ZNF704: variants seen among roughly 807,000 people sequenced by gnomAD.
The protein encoded by ZNF704 is zinc finger protein 704.
ZNF704 carries 10 observed loss-of-function variants against 44.7 expected under a neutral mutation model. The observed-to-expected ratio is 0.22, with a 90% CI of 0.14 to 0.38. The LOEUF is 0.38. Ranked by LOEUF, ZNF704 falls within the 10% of genes least tolerant of loss-of-function variation. The probability of loss-of-function intolerance (pLI) is 1.00; values close to 1 mark genes in which losing one functional copy is unlikely to be tolerated. For synonymous variants in ZNF704, 211 were observed against 207.6 expected (o/e 1.02, Z -0.14); for missense variants, 390 against 545.5 (o/e 0.71, Z 2.84).
chr8:80,860,663 C>T (rs1007870949), intron 1 of ZNF704, among the ~76,000 whole-genome samples: 7 of 152,160 alleles, frequency 4.6e-5, no homozygotes, highest in Admixed American at 2.0e-4. Flanking sequence ...CCCTTATTTC[C>T]TATGTTAGAC....
chr8:80,705,406 GTGTC>G (rs1294745184), intron 2 of ZNF704, among the ~76,000 whole-genome samples: 3 of 151,520 alleles, frequency 2.0e-5, no homozygotes, highest in African/African-American at 4.9e-5. Flanking sequence ...TTGTGTATGT[GTGTC>G]TGTCTGTGTT....
chr8:80,785,027 C>T (rs1807592317), intron 2 of ZNF704, among the ~76,000 whole-genome samples: 1 of 152,030 alleles, frequency 6.6e-6, no homozygotes, highest in Non-Finnish European at 1.5e-5. Context: ...AACTAAAGTC[C>T]ACACTGTATT....
chr8:80,747,206 G>A (rs561228835), intron 2 of ZNF704, among the ~76,000 whole-genome samples: 5 of 152,030 alleles, frequency 3.3e-5, no homozygotes, highest in South Asian at 2.1e-4. Context: ...CACGGTCTGC[G>A]GTGTAGCTCT....
chr8:80,754,064 A>G (rs1806994638), intron 2 of ZNF704, among the ~76,000 whole-genome samples: 1 of 152,206 alleles, frequency 6.6e-6, no homozygotes, highest in South Asian at 2.1e-4. Context: ...ACTGTCTATC[A>G]GAAATGAGCA....
At chr8:80,707,570 C>T (rs978859540) in intron 2 of ZNF704, among the ~76,000 whole-genome samples, 26 of 152,132 alleles carry the variant, frequency 1.7e-4, no homozygotes, top group African/African-American at 6.3e-4. Context: ...TAGGTTGAAC[C>T]ATATGAAATT....
chr8:80,752,838 G>T (rs1445693134), intron 2 of ZNF704, among the ~76,000 whole-genome samples: 1 of 152,118 alleles, frequency 6.6e-6, no homozygotes, highest in Non-Finnish European at 1.5e-5. Context: ...ACCGCGCCTG[G>T]CCAAAAAAAT....
chr8:80,773,291 AG>A (rs1161390132), intron 2 of ZNF704, among the ~76,000 whole-genome samples: 2 of 152,014 alleles, frequency 1.3e-5, no homozygotes, highest in Non-Finnish European at 2.9e-5. Context: ...CCCTTTGTAT[AG>A]CTTTCTTTAG....
At chr8:80,806,342 C>T (rs1247731416) in intron 2 of ZNF704, among the ~76,000 whole-genome samples, 1 of 152,152 alleles carries the variant, frequency 6.6e-6, no homozygotes, top group Non-Finnish European at 1.5e-5. Context: ...CTGACCTTGG[C>T]ATCACGTAAT....
At chr8:80,849,214 A>T (rs1808817719) in intron 1 of ZNF704, among the ~76,000 whole-genome samples, 1 of 152,204 alleles carries the variant, frequency 6.6e-6, no homozygotes, top group African/African-American at 2.4e-5. Context: ...TCCAAGGCAA[A>T]TAAACCTCAT....
chr8:80,748,662 A>C (rs1042333523), intron 2 of ZNF704, among the ~76,000 whole-genome samples: 2 of 152,238 alleles, frequency 1.3e-5, no homozygotes, highest in Non-Finnish European at 2.9e-5. Flanking sequence ...AAAGCAACTT[A>C]TTCTTGGGTG....
At chr8:80,664,033 AT>A (rs748265330) in intron 6 of ZNF704, among the ~76,000 whole-genome samples, 64 of 146,788 alleles carry the variant, frequency 4.4e-4, no homozygotes, top group Non-Finnish European at 8.0e-4. Flanking sequence ...GCCCGGCCTT[AT>A]TTTTTTTTTA....
At chr8:80,824,828 T>G (rs1808343739) in intron 1 of ZNF704, among the ~76,000 whole-genome samples, 1 of 152,140 alleles carries the variant, frequency 6.6e-6, no homozygotes, top group African/African-American at 2.4e-5. Context: ...CAAACTAAGC[T>G]TCATAAGTGA....
At chr8:80,816,040 C>T (rs554644149) in intron 2 of ZNF704, among the ~76,000 whole-genome samples, 221 of 152,294 alleles carry the variant, frequency 1.5e-3, no homozygotes, top group African/African-American at 5.1e-3. Context: ...TTAAATCAGC[C>T]AGAGTCACTG....
intron 2 of ZNF704, among the ~76,000 whole-genome samples, chr8:80,726,856 CAG>C (rs1554576726): frequency 2.6e-5 from 4 of 151,682 alleles, no homozygotes; most frequent in African/African-American, 9.7e-5. Flanking sequence ...CACACACACA[CAG>C]ACACACACAG....
chr8:80,650,768 C>G (rs1456648092), intron 7 of ZNF704, among the ~76,000 whole-genome samples: 3 of 152,150 alleles, frequency 2.0e-5, no homozygotes, highest in African/African-American at 7.2e-5. Context: ...GAGAACTTCC[C>G]CAATCTAGCA....
chr8:80,753,414 C>A (rs1806981498), intron 2 of ZNF704, among the ~76,000 whole-genome samples: 2 of 150,828 alleles, frequency 1.3e-5, no homozygotes, highest in African/African-American at 4.9e-5. Context: ...CTTGGCAATG[C>A]AAACTTATAT....
intron 2 of ZNF704, among the ~76,000 whole-genome samples, chr8:80,750,512 CT>C (rs61550571): frequency 5.7e-4 from 84 of 147,024 alleles, no homozygotes; most frequent in South Asian, 2.0e-3. Context: ...GTACTTTAAA[CT>C]TTTTTTTTTT....
At chr8:80,653,303 T>C (rs1479302009) in intron 7 of ZNF704, among the ~76,000 whole-genome samples, 1 of 151,966 alleles carries the variant, frequency 6.6e-6, no homozygotes, top group Non-Finnish European at 1.5e-5. Context: ...AACATAGTGT[T>C]GGAAGTTCTG....
intron 2 of ZNF704, among the ~76,000 whole-genome samples, chr8:80,729,346 C>T (rs919592125): frequency 1.4e-4 from 22 of 152,102 alleles, no homozygotes; most frequent in Admixed American, 3.3e-4. Context: ...CACTGAATTG[C>T]GCTGAGCCTG....
Sources: allele counts gnomAD v4.1 joint callset (sites outside exome capture counted in the v4.1 genomes callset), GRCh38; gene constraint gnomAD v4.1.1; transcripts MANE v1.5; gene names NCBI Gene and HGNC (gene_info 2026-07-23, HGNC 2026-07-21).